Variants in SUGCT observed in about 807,000 individuals in gnomAD.
SUGCT encodes succinyl-CoA:glutarate-CoA transferase.
A neutral mutation model predicts 55.0 loss-of-function variants in SUGCT; 41 were observed. That is an observed-to-expected ratio of 0.74 (90% CI 0.58 to 0.97). SUGCT has a LOEUF of 0.97. Ranked by LOEUF, SUGCT falls within the 50% of genes least tolerant of loss-of-function variation. The pLI, the probability that SUGCT is intolerant of heterozygous loss-of-function variation, is 0.00. For missense variants in SUGCT, 568 were observed against 547.8 expected (o/e 1.04, Z -0.37); for synonymous variants, 187 against 200.4 (o/e 0.93, Z 0.56).
At chr7:41,034,340 A>G in the SUGCT span, among the ~76,000 whole-genome samples, 64 of 152,340 alleles carry the variant, frequency 4.2e-4, 2 homozygotes, top group South Asian at 0.013. Flanking sequence ...TTTCCATGAA[A>G]GTAAAACAGA....
chr7:40,462,999 T>C (rs1789887859), intron 11 of SUGCT, among the ~76,000 whole-genome samples: 1 of 152,208 alleles, frequency 6.6e-6, no homozygotes, highest in Non-Finnish European at 1.5e-5. Flanking sequence ...CTCCAGTTTT[T>C]AAAATGTGGT....
intron 7 of SUGCT, among the ~76,000 whole-genome samples, chr7:40,256,727 A>G (rs1790833615): frequency 6.6e-6 from 1 of 152,090 alleles, no homozygotes; most frequent in African/African-American, 2.4e-5. Flanking sequence ...TTTGGAATAC[A>G]TAATTTTTTA....
chr7:40,412,013 C>A (rs1359770594), intron 9 of SUGCT, among the ~76,000 whole-genome samples: 4 of 152,198 alleles, frequency 2.6e-5, no homozygotes, highest in African/African-American at 9.7e-5. Flanking sequence ...TTTAGGCCCA[C>A]GCCATCCACT....
chr7:40,847,562 G>A (rs540877866), intron 13 of SUGCT, among the ~76,000 whole-genome samples: 8 of 151,730 alleles, frequency 5.3e-5, no homozygotes, highest in Admixed American at 2.0e-4. Flanking sequence ...CATTATAGGC[G>A]TGCATCACCA....
chr7:40,467,085 C>A (rs1790153736), intron 11 of SUGCT, among the ~76,000 whole-genome samples: 5 of 151,714 alleles, frequency 3.3e-5, no homozygotes, highest in South Asian at 4.2e-4. Flanking sequence ...GCCTGTAGTC[C>A]CAACAACTTG....
chr7:40,738,196 TAAAAAAAAAAAA>T (rs71714222), intron 12 of SUGCT, among the ~76,000 whole-genome samples: 1 of 111,046 alleles, frequency 9.0e-6, no homozygotes, highest in African/African-American at 3.2e-5. Flanking sequence ...GACTCCATCT[TAAAAAAAAAAAA>T]AAAAAAAAAA....
At chr7:40,232,212 C>A (rs143252551) in intron 6 of SUGCT, among the ~76,000 whole-genome samples, 16 of 152,302 alleles carry the variant, frequency 1.1e-4, no homozygotes, top group Non-Finnish European at 2.1e-4. Flanking sequence ...ATTTTGTTCT[C>A]TTTTTTCCTT....
At chr7:40,745,092 A>G (rs1024852260) in intron 12 of SUGCT, among the ~76,000 whole-genome samples, 1 of 152,184 alleles carries the variant, frequency 6.6e-6, no homozygotes, top group African/African-American at 2.4e-5. Flanking sequence ...CCTAGCATAT[A>G]AGTGCTATCG....
At chr7:40,851,118 G>A (rs1297473021) in intron 13 of SUGCT, among the ~76,000 whole-genome samples, 4 of 152,154 alleles carry the variant, frequency 2.6e-5, no homozygotes, top group Non-Finnish European at 5.9e-5. Context: ...TCAGTAAATG[G>A]CAGAGCCAGG....
chr7:40,858,260 G>A (rs1327398506), intron 13 of SUGCT, among the ~76,000 whole-genome samples: 7 of 151,850 alleles, frequency 4.6e-5, no homozygotes, highest in Admixed American at 1.3e-4. Context: ...AAAATTAGCC[G>A]GGCATGGTGG....
At chr7:40,594,331 A>G (rs1362547033) in intron 12 of SUGCT, among the ~76,000 whole-genome samples, 1 of 151,692 alleles carries the variant, frequency 6.6e-6, no homozygotes, top group Non-Finnish European at 1.5e-5. Flanking sequence ...ATAAAAAAAA[A>G]AAAAGTAAAA....
chr7:40,243,103 A>ATC lies in SUGCT; in HGVS notation c.576+5391_576+5392dup, dbSNP rs372077800. On this transcript the variant is annotated intron_variant, in intron 7 of 13. Coordinates refer to ENST00000335693, the MANE Select transcript of SUGCT (RefSeq NM_001193313.2). ...GGCACATGCAACCATGCCTGCATCC[A>ATC]TCTCTCTCTCTCTCTATCATCTGTT... is the stretch of plus-strand genomic sequence containing the variant. 1.0e-4 allele frequency among the ~76,000 whole-genome samples: 15 copies of ATC among 148,020 alleles called. No individual in the cohort carries two copies. The East Asian group carries it at 2.0e-3, about 20-fold the overall frequency.
intron 7 of SUGCT, among the ~76,000 whole-genome samples, chr7:40,257,986 C>T (rs139678421): frequency 7.2e-5 from 11 of 152,338 alleles, no homozygotes; most frequent in Non-Finnish European, 1.5e-4. Flanking sequence ...TTCCTGGCTT[C>T]TCCACTTTCT....
At position 40,162,142 on chromosome 7, in the gene SUGCT, C is replaced by T. The variant is rs573304380; in HGVS notation, c.101-18805C>T. Among the ~76,000 whole-genome samples, 10 of 152,202 alleles carry T rather than the reference C, an allele frequency of 6.6e-5. 1 individual carries two copies. The highest frequency in any genetic ancestry group is 5.8e-4 in the East Asian group (3 of 5,166). On this transcript the variant is annotated intron_variant, in intron 1 of 13. Transcript: ENST00000335693. ...CGATCTCCTGACCTCGTGATCCGCC[C>T]GCCTCGGCCTCCCAAAGCTCTGGGA...
chr7:40,767,909 G>GT (rs34639624), intron 13 of SUGCT, among the ~76,000 whole-genome samples: 9,208 of 152,260 alleles, frequency 0.06, 377 homozygotes, highest in Non-Finnish European at 0.09. Context: ...TACCAGAATA[G>GT]TTTTAAGGGT....
intron 9 of SUGCT, among the ~76,000 whole-genome samples, chr7:40,398,951 C>G (rs1023974029): frequency 6.6e-6 from 1 of 152,094 alleles, no homozygotes; most frequent in Non-Finnish European, 1.5e-5. Context: ...TGTCCATAAT[C>G]AGTATAAATA....
At chr7:40,598,958 T>C (rs1385798949) in intron 12 of SUGCT, among the ~76,000 whole-genome samples, 6 of 152,186 alleles carry the variant, frequency 3.9e-5, no homozygotes, top group Non-Finnish European at 8.8e-5. Context: ...TCCAAGACCA[T>C]CTTCTTTTCT....
intron 9 of SUGCT, among the ~76,000 whole-genome samples, chr7:40,369,223 T>C (rs1399928037): frequency 6.6e-6 from 1 of 152,166 alleles, no homozygotes; most frequent in Non-Finnish European, 1.5e-5. Flanking sequence ...TGGGAACTAA[T>C]ACTTCAACAC....
chr7:40,271,061 A>T lies in SUGCT; in HGVS notation c.577-3452A>T, dbSNP rs187313677. ...TGGCTTTTATCTTGCAATCTTGCTTAACTCGATTACTAGTTCTAAGAGTTT... is the reference window on the plus strand; with the variant it reads ...TGGCTTTTATCTTGCAATCTTGCTTTACTCGATTACTAGTTCTAAGAGTTT... On this transcript the variant is annotated intron_variant, in intron 7 of 13. Coordinates refer to ENST00000335693, the MANE Select transcript of SUGCT (RefSeq NM_001193313.2). 9.4e-4 allele frequency among the ~76,000 whole-genome samples: 143 copies of T among 152,232 alleles called. 1 individual carries two copies. The highest frequency in any genetic ancestry group is 3.2e-3 in the African/African-American group (133 of 41,548).
Sources: allele counts gnomAD v4.1 joint callset (sites outside exome capture counted in the v4.1 genomes callset), GRCh38; gene constraint gnomAD v4.1.1; transcripts MANE v1.5; gene names NCBI Gene and HGNC (gene_info 2026-07-23, HGNC 2026-07-21).